PHF14: variants seen among roughly 807,000 people sequenced by gnomAD.
PHF14 encodes the protein PHD finger protein 14.
PHF14 carries 55 observed loss-of-function variants against 117.9 expected under a neutral mutation model. The ratio of observed to expected loss-of-function variants is 0.47; its 90% CI spans 0.38 to 0.58. The LOEUF (loss-of-function observed/expected upper bound fraction) is 0.58, where lower values mean the gene tolerates loss of function less well. Among genes scored for constraint, PHF14 ranks in the 20% least tolerant of loss-of-function variants. The probability of loss-of-function intolerance (pLI) is 0.00; values close to 1 mark genes in which losing one functional copy is unlikely to be tolerated. For synonymous variants in PHF14, 409 were observed against 368.6 expected, an observed-to-expected ratio of 1.11 and a Z score of -1.26; for missense variants, 978 against 1,122.2, an observed-to-expected ratio of 0.87 and a Z score of 1.84.
chr7:11,108,159 C>T (rs949949107), intron 16 of PHF14: 4 of 151,682 alleles, frequency 2.6e-5, no homozygotes, highest in African/African-American at 9.7e-5. Context: ...TGCTAGAGTT[C>T]ACTTGTGTCC....
At chr7:11,063,356 T>A (rs1785304657) in intron 16 of PHF14, 7 of 984,060 alleles carry the variant, frequency 7.1e-6, no homozygotes, top group Non-Finnish European at 8.4e-6. Flanking sequence ...AATTTTGCAA[T>A]ATGTCGAAAA....
chr7:10,990,697 T>A lies in PHF14; in HGVS notation c.901-6T>A. 1 of 1,491,318 alleles carries A rather than the reference T, an allele frequency of 6.7e-7. No homozygotes were observed. 92.4% of individuals were successfully genotyped at this position (1,491,318 alleles called of 1,614,324 possible). A position where few individuals can be genotyped will look rare whatever the true frequency, so the allele number is the denominator to read the frequency against. ...TTTCTGATATATGTTAATATTTTAATATTAGGACTCGCTGATTCTTGAGAA... is the reference window on the plus strand; with the variant it reads ...TTTCTGATATATGTTAATATTTTAAAATTAGGACTCGCTGATTCTTGAGAA... On this transcript the variant is annotated splice_polypyrimidine_tract_variant and splice_region_variant and intron_variant, in intron 3 of 17. Coordinates refer to ENST00000634607, the MANE Select transcript of PHF14 (RefSeq NM_001007157.2).
intron 16 of PHF14, among the ~76,000 whole-genome samples, chr7:11,089,097 A>T (rs1020759590): frequency 6.3e-4 from 91 of 143,328 alleles, no homozygotes; most frequent in South Asian, 2.1e-3. Flanking sequence ...ATTAGATATA[A>T]AAAAAAAAAA....
chr7:11,127,420 T>C (rs186281791), intron 17 of PHF14, among the ~76,000 whole-genome samples: 22 of 152,194 alleles, frequency 1.4e-4, no homozygotes, highest in African/African-American at 5.3e-4. Context: ...GATTCCTTTC[T>C]AGAGTCTTGC....
chr7:11,102,714 A>C, intron 16 of PHF14: 2 of 1,399,384 alleles, frequency 1.4e-6, no homozygotes, highest in Admixed American at 5.8e-5. Flanking sequence ...TTGGACTAAC[A>C]AGGCAGTAGA....
chr7:11,062,833 G>T, intron 16 of PHF14: 2 of 985,156 alleles, frequency 2.0e-6, no homozygotes, highest in Non-Finnish European at 2.4e-6. Flanking sequence ...AGAGGCATCA[G>T]ACTTTCAAAG....
At chr7:11,166,721 C>T (rs1267929742) in intron 17 of PHF14, among the ~76,000 whole-genome samples, 1 of 152,024 alleles carries the variant, frequency 6.6e-6, no homozygotes, top group African/African-American at 2.4e-5. Context: ...CTTTTCTGCA[C>T]CTAGGTTACA....
At chr7:11,080,060 T>G (rs970924267) in intron 16 of PHF14, among the ~76,000 whole-genome samples, 10 of 152,168 alleles carry the variant, frequency 6.6e-5, no homozygotes, top group African/African-American at 1.9e-4. Flanking sequence ...ACATTTTTAC[T>G]ACGAATGAAT....
chr7:11,163,876 A>G (rs117917608), intron 17 of PHF14, among the ~76,000 whole-genome samples: 2,811 of 152,302 alleles, frequency 0.018, 34 homozygotes, highest in Middle Eastern at 0.048. Flanking sequence ...GAAGCCAAGT[A>G]GTGTATCTGT....
chr7:11,002,042 T>C (rs1004076918), intron 4 of PHF14, among the ~76,000 whole-genome samples: 2 of 152,108 alleles, frequency 1.3e-5, no homozygotes, highest in African/African-American at 4.8e-5. Flanking sequence ...TGTTTGTGTT[T>C]TTTTTTTACT....
At chr7:11,152,939 C>G (rs572094871) in intron 17 of PHF14, among the ~76,000 whole-genome samples, 1 of 152,278 alleles carries the variant, frequency 6.6e-6, no homozygotes, top group South Asian at 2.1e-4. Flanking sequence ...GGTGAGGAAA[C>G]TGAACTTGTG....
At chr7:11,086,746 A>T (rs1166284246) in intron 16 of PHF14, among the ~76,000 whole-genome samples, 1 of 152,126 alleles carries the variant, frequency 6.6e-6, no homozygotes, top group East Asian at 1.9e-4. Flanking sequence ...CAAAACATTG[A>T]AATTTTGGTT....
chr7:11,106,286 T>C (rs1787259954), intron 16 of PHF14: 1 of 968,064 alleles, frequency 1.0e-6, no homozygotes, highest in African/African-American at 1.8e-5. Flanking sequence ...GTAAAGAATA[T>C]TTTTGTCTTT....
At chr7:10,978,669 C>T (rs1424965504) in intron 2 of PHF14, among the ~76,000 whole-genome samples, 1 of 152,124 alleles carries the variant, frequency 6.6e-6, no homozygotes, top group Non-Finnish European at 1.5e-5. Context: ...GTCCTGTACC[C>T]AGTAGGATGT....
Position 11,130,809 on chromosome 7 carries a change from C to T in PHF14, c.2772+19342C>T, listed in dbSNP as rs1788074018. On this transcript the variant is annotated intron_variant, in intron 17 of 17. Coordinates refer to ENST00000634607, the MANE Select transcript of PHF14 (RefSeq NM_001007157.2). This position sits in a 1 kb window ranked among gnomAD's most constrained non-coding sequence, Gnocchi z 4.2. Reference sequence around the variant, plus strand: ...GAATAGTTCACTGCCCTAAAGATCTCCTGTGCTCTGCCTATTCACCACTCC... The same window carrying T: ...GAATAGTTCACTGCCCTAAAGATCTTCTGTGCTCTGCCTATTCACCACTCC... Among the ~76,000 whole-genome samples, 1 of 151,926 alleles carries T rather than the reference C, an allele frequency of 6.6e-6. No individual in the cohort carries two copies. The highest frequency in any genetic ancestry group is 2.4e-5 in the African/African-American group (1 of 41,394).
Position 11,118,052 on chromosome 7 carries a change from A to G in PHF14, c.2772+6585A>G, listed in dbSNP as rs574013625. Among the ~76,000 whole-genome samples, 52 of 151,960 alleles carry G rather than the reference A, an allele frequency of 3.4e-4. No individual in the cohort carries two copies. The South Asian group carries it at 4.3e-3, about 13-fold the overall frequency. Reference sequence around the variant, plus strand: ...CTTCTAGCGTTTGTGGGACAAGCTTACAAAAGCTTACAAAAATGTGCTTCA... The same window carrying G: ...CTTCTAGCGTTTGTGGGACAAGCTTGCAAAAGCTTACAAAAATGTGCTTCA... On this transcript the variant is annotated intron_variant, in intron 17 of 17. Transcript: ENST00000634607.
chr7:11,122,443 GTA>G (rs1039591632), intron 17 of PHF14, among the ~76,000 whole-genome samples: 2 of 119,050 alleles, frequency 1.7e-5, no homozygotes, highest in South Asian at 2.6e-4. Flanking sequence ...ATATATATAC[GTA>G]TATATATATA....
At chr7:10,976,960 G>A (rs1781889372) in intron 2 of PHF14, among the ~76,000 whole-genome samples, 1 of 151,096 alleles carries the variant, frequency 6.6e-6, no homozygotes, top group South Asian at 2.1e-4. Context: ...AGGGAATTTA[G>A]AAGAAAATGA....
At chr7:10,985,043 C>T (rs937319917) in intron 3 of PHF14, among the ~76,000 whole-genome samples, 1 of 152,092 alleles carries the variant, frequency 6.6e-6, no homozygotes, top group Non-Finnish European at 1.5e-5. Flanking sequence ...TCAAGCTCTA[C>T]AGTAGTTTTT....
Sources: allele counts gnomAD v4.1 joint callset (sites outside exome capture counted in the v4.1 genomes callset), GRCh38; gene constraint gnomAD v4.1.1; non-coding constraint Gnocchi (gnomAD v3.1); transcripts MANE v1.5; gene names NCBI Gene and HGNC (gene_info 2026-07-23, HGNC 2026-07-21).